MAT2B: variants seen among roughly 807,000 people sequenced by gnomAD.
The protein encoded by MAT2B is methionine adenosyltransferase 2 subunit beta.
Under a neutral mutation model 36.1 loss-of-function variants are expected in MAT2B, and 16 were observed. That is an observed-to-expected ratio of 0.44 (90% CI 0.30 to 0.67). The LOEUF (loss-of-function observed/expected upper bound fraction) is 0.67, where lower values mean the gene tolerates loss of function less well. Among genes scored for constraint, MAT2B ranks in the 30% least tolerant of loss-of-function variants. MAT2B has a pLI of 0.09. For synonymous variants in MAT2B, 148 were observed against 136.9 expected (o/e 1.08, Z -0.57); for missense variants, 332 against 398.2 (o/e 0.83, Z 1.42).
chr5:163,513,485 A>C, intron 2 of MAT2B, 70 bp from the exon 3 acceptor site: 1 of 808,778 alleles, frequency 1.2e-6, no homozygotes, highest in Non-Finnish European at 2.1e-6. Context: ...CTCTGAATTA[A>C]CTTTAAGAAG....
intron 1 of MAT2B, among the ~76,000 whole-genome samples, chr5:163,510,271 T>A (rs893975707): frequency 9.2e-5 from 14 of 152,248 alleles, no homozygotes; most frequent in African/African-American, 3.1e-4. Flanking sequence ...AACATAGAAT[T>A]TAAATTTTTT....
intron 1 of MAT2B, among the ~76,000 whole-genome samples, chr5:163,511,038 A>T (rs1760030911): frequency 6.6e-6 from 1 of 152,194 alleles, no homozygotes; most frequent in Non-Finnish European, 1.5e-5. Context: ...TATCTATAGA[A>T]GCAAGACAAA....
chr5:163,515,728 CA>C (rs1449602334), intron 4 of MAT2B, among the ~76,000 whole-genome samples: 1 of 146,712 alleles, frequency 6.8e-6, no homozygotes, highest in Admixed American at 6.9e-5. Flanking sequence ...AAAACTAGTC[CA>C]AATGACAGAA....
intron 1 of MAT2B, among the ~76,000 whole-genome samples, chr5:163,507,934 T>A (rs1759972054): frequency 6.6e-6 from 1 of 152,242 alleles, no homozygotes; most frequent in Non-Finnish European, 1.5e-5. Context: ...TATAGAACTT[T>A]AAAGCTGAAA....
At chr5:163,509,404 A>G (rs944676016) in intron 1 of MAT2B, among the ~76,000 whole-genome samples, 1 of 152,178 alleles carries the variant, frequency 6.6e-6, no homozygotes, top group Non-Finnish European at 1.5e-5. Context: ...ACTTTCCTGG[A>G]GTTCGAGAGT....
Position 163,516,523 on chromosome 5 carries a change from G to C in MAT2B, c.532G>C (p.Ala178Pro). 6.2e-7 allele frequency: 1 copy of C among 1,613,474 alleles called. No individual in the cohort carries two copies. Among genetic ancestry groups the C allele is most frequent in the South Asian group, 1.1e-5 (1 of 91,068 alleles). Reference sequence around the variant, plus strand: ...TTGCTTTTATTCTTCTCTAGGAGCTGCTGTTTTGAGGATTCCTATTCTGTA... The same window carrying C: ...TTGCTTTTATTCTTCTCTAGGAGCTCCTGTTTTGAGGATTCCTATTCTGTA... ...KAVLENNLGAAVLRIPILYGE... is the reference protein window; with the variant it reads ...KAVLENNLGAPVLRIPILYGE... The change falls in exon 5 of 7, where the codon GCT becomes CCT. Residue 178 changes from alanine to proline, a missense_variant. By Grantham distance (27) the Ala-to-Pro change is conservative. Transcript: ENST00000321757.
At chr5:163,506,072 G>T (rs1318103585) in intron 1 of MAT2B, among the ~76,000 whole-genome samples, 3 of 152,136 alleles carry the variant, frequency 2.0e-5, no homozygotes, top group African/African-American at 7.2e-5. Context: ...GGTTTTCCCC[G>T]TTTATTCATC....
intron 1 of MAT2B, among the ~76,000 whole-genome samples, chr5:163,506,711 G>T (rs949954465): frequency 2.0e-5 from 3 of 152,212 alleles, no homozygotes; most frequent in African/African-American, 7.2e-5. Flanking sequence ...AGGTCCTCCA[G>T]ACCGTGCTGA....
At position 163,505,696 on chromosome 5, in the gene MAT2B, C is replaced by T; in HGVS notation, c.10C>T (p.Arg4Trp). ...CGTGAAGACGGCGGGCATGGTGGGG[C>T]GGGAGAAAGAGCTCTCTATACACTT... MVG[R>W]EKELSIHFVP... The change falls in exon 1 of 7, where the codon CGG becomes TGG. Residue 4 changes from arginine to tryptophan, a missense_variant. Physicochemically the swap from Arg to Trp is moderately radical, Grantham distance 101. Coordinates refer to ENST00000321757, the MANE Select transcript of MAT2B (RefSeq NM_013283.5). The T allele has an allele frequency of 7.8e-7, 1 of 1,284,434 alleles. No homozygotes were observed. Among genetic ancestry groups the T allele is most frequent in the Non-Finnish European group, 9.9e-7 (1 of 1,008,268 alleles). The allele number at this position is 1,284,434 out of a possible 1,614,324, so 79.6% of individuals were successfully genotyped here. A position where few individuals can be genotyped will look rare whatever the true frequency, so the allele number is the denominator to read the frequency against.
rs958588038 is a variant in MAT2B, at chr5:163,505,751, T to G, written c.63+2T>G. Reference sequence around the variant, plus strand: ...CCCGGGAGCTGTCGGCTGGTGGAGGTGAGGGAGTCGGCCTGGGCGTCTCCG... The same window carrying G: ...CCCGGGAGCTGTCGGCTGGTGGAGGGGAGGGAGTCGGCCTGGGCGTCTCCG... On this transcript the variant is annotated splice_donor_variant, in intron 1 of 6. Transcript: ENST00000321757. LOFTEE classifies it high-confidence loss of function. 1 of 1,268,826 alleles carries G rather than the reference T, an allele frequency of 7.9e-7. No individual in the cohort carries two copies. The highest frequency in any genetic ancestry group is 3.0e-5 in the East Asian group (1 of 32,940). The allele number at this position is 1,268,826 out of a possible 1,614,324, so 78.6% of individuals were successfully genotyped here. A position where few individuals can be genotyped will look rare whatever the true frequency, so the allele number is the denominator to read the frequency against.
At chr5:163,510,508 G>A (rs113097284) in intron 1 of MAT2B, among the ~76,000 whole-genome samples, 20,614 of 147,588 alleles carry the variant, frequency 0.14, 1,645 homozygotes, top group Middle Eastern at 0.17. Context: ...CAATTCTCCC[G>A]CCTCGCCTCC....
chr5:163,511,307 C>T (rs550198577), intron 1 of MAT2B, among the ~76,000 whole-genome samples: 1 of 151,966 alleles, frequency 6.6e-6, no homozygotes, highest in South Asian at 2.1e-4. Flanking sequence ...CACTCTGTCC[C>T]CCAGACTGGA....
rs1561655646 is a variant in MAT2B, at chr5:163,508,247, T to A, written c.63+2498T>A. On this transcript the variant is annotated intron_variant, in intron 1 of 6. Transcript: ENST00000321757. ...TCTTCTAACAAGCTGCTGGGTTTTT[T>A]TGTTTTCTTTTTTTTCCTCTTGCTC... 3.3e-5 allele frequency among the ~76,000 whole-genome samples: 5 copies of A among 151,428 alleles called. No homozygotes were observed. The South Asian group carries it at 1.0e-3, about 31-fold the overall frequency.
upstream of MAT2B, among the ~76,000 whole-genome samples, chr5:163,503,697 A>T (rs2113545453): frequency 6.6e-6 from 1 of 152,356 alleles, no homozygotes; most frequent in Middle Eastern, 3.4e-3. Flanking sequence ...AATTATGTAT[A>T]TAAAGTTTCT....
At chr5:163,517,328 CT>C (rs1035255851) in intron 5 of MAT2B, 10 of 273,074 alleles carry the variant, frequency 3.7e-5, no homozygotes, top group African/African-American at 6.5e-5. Context: ...AAATTGGAGC[CT>C]TTTTTTGATT....
In MAT2B at chr5:163,505,760, C is replaced by A; in HGVS notation, c.63+11C>A. On this transcript the variant is annotated intron_variant, in intron 1 of 6. Transcript: ENST00000321757. ...TGTCGGCTGGTGGAGGTGAGGGAGT[C>A]GGCCTGGGCGTCTCCGGTGGGAGCG... is the stretch of plus-strand genomic sequence containing the variant. The A allele has an allele frequency of 4.7e-6, 6 of 1,267,432 alleles. No homozygotes were observed. The highest frequency in any genetic ancestry group is 6.0e-6 in the Non-Finnish European group (6 of 999,630). 78.5% of individuals were successfully genotyped at this position (1,267,432 alleles called of 1,614,324 possible).
intron 1 of MAT2B, 143 bp downstream of exon 1, chr5:163,505,892 C>A (rs1273695330): frequency 1.8e-6 from 1 of 566,412 alleles, no homozygotes; most frequent in Non-Finnish European, 2.7e-6. Context: ...CCCTCCCAGC[C>A]CCGGATCCGA....
chr5:163,516,590 T>G lies in MAT2B; in HGVS notation c.599T>G (p.Met200Arg). ...EKLEESAVTV[M>R]FDKVQFSNKS... ...CTCGAAGAAAGTGCTGTGACTGTTA[T>G]GTTTGATAAAGTGCAGTTCAGCAAC... Residue 200 changes from methionine to arginine, a missense_variant, in exon 5 of 7, where the codon ATG (methionine) becomes AGG (arginine). By Grantham distance (91) the Met-to-Arg change is moderately conservative. Coordinates refer to ENST00000321757, the MANE Select transcript of MAT2B (RefSeq NM_013283.5). The G allele has an allele frequency of 6.2e-7, 1 of 1,614,238 alleles. No homozygotes were observed. The highest frequency in any genetic ancestry group is 8.5e-7 in the Non-Finnish European group (1 of 1,180,038).
In MAT2B at chr5:163,518,670, A is replaced by G. The variant is rs921793212; in HGVS notation, c.*307A>G. On this transcript the variant is annotated 3_prime_UTR_variant, in exon 7 of 7. Coordinates refer to ENST00000321757, the MANE Select transcript of MAT2B (RefSeq NM_013283.5). ...AGCAGATCTGCTGTAGACTTTTCAGATGAAATTGTTCATTCTCGTAACCTC... is the reference window on the plus strand; with the variant it reads ...AGCAGATCTGCTGTAGACTTTTCAGGTGAAATTGTTCATTCTCGTAACCTC... 1.6e-5 allele frequency: 3 copies of G among 189,384 alleles called. No individual in the cohort carries two copies. The highest frequency in any genetic ancestry group is 7.0e-5 in the African/African-American group (3 of 42,916). The allele number at this position is 189,384 out of a possible 1,614,324, so 11.7% of individuals were successfully genotyped here.
Sources: gnomAD v4.1 joint callset for allele counts (sites outside exome capture counted in the v4.1 genomes callset) on GRCh38, gnomAD v4.1.1 for gene constraint, MANE v1.5 for transcripts, NCBI Gene and HGNC (gene_info 2026-07-23, HGNC 2026-07-21) for gene names.